Variants in EPAS1 observed in about 807,000 individuals in gnomAD.
EPAS1 encodes endothelial PAS domain protein 1.
EPAS1 carries 23 observed loss-of-function variants against 87.9 expected under a neutral mutation model. The ratio of observed to expected loss-of-function variants is 0.26; its 90% CI spans 0.19 to 0.37. The LOEUF (loss-of-function observed/expected upper bound fraction) is 0.37. EPAS1 is among the 10% of genes least tolerant of loss of function. The pLI is 1.00. For missense variants in EPAS1, 1,138 were observed against 1,120.7 expected, an observed-to-expected ratio of 1.02 and a Z score of -0.22; for synonymous variants, 508 against 444.3, an observed-to-expected ratio of 1.14 and a Z score of -1.80.
intron 1 of EPAS1, among the ~76,000 whole-genome samples, chr2:46,306,664 C>G (rs1284046053): frequency 6.6e-6 from 1 of 152,066 alleles, no homozygotes; most frequent in Non-Finnish European, 1.5e-5. Flanking sequence ...TGCCTTTAAG[C>G]ACACATAAAA....
At chr2:46,323,489 C>G (rs1303213491) in intron 1 of EPAS1, among the ~76,000 whole-genome samples, 2 of 152,144 alleles carry the variant, frequency 1.3e-5, no homozygotes, top group Non-Finnish European at 2.9e-5. Context: ...AGTAGATGCC[C>G]AATAAATATT....
At chr2:46,372,174 A>G (rs994305188) in intron 7 of EPAS1, among the ~76,000 whole-genome samples, 15 of 152,244 alleles carry the variant, frequency 9.9e-5, no homozygotes, top group African/African-American at 3.4e-4. Context: ...GATGGAGCCA[A>G]GTAAAGCTGC....
rs565552498 is a variant in EPAS1 at position 46,375,940 on chromosome 2, G to A, written c.1034+103G>A. The A allele has an allele frequency of 6.3e-5, 95 of 1,503,740 alleles. No homozygotes were observed. In the African/African-American group the frequency reaches 7.7e-4, roughly 12 times the overall value. 93.1% of individuals were successfully genotyped at this position (1,503,740 alleles called of 1,614,324 possible). A position where few individuals can be genotyped will look rare whatever the true frequency, so the allele number is the denominator to read the frequency against. Reference sequence around the variant, plus strand: ...CCTAGGAGATGCCAGGCCTCTCAGCGCCCTGGGCACCACCTCAGGGAGGTC... The same window carrying A: ...CCTAGGAGATGCCAGGCCTCTCAGCACCCTGGGCACCACCTCAGGGAGGTC... On this transcript the variant is annotated intron_variant, in intron 8 of 15. Transcript: ENST00000263734. The surrounding 1 kb of genome is among the most constrained non-coding windows in gnomAD (Gnocchi z 4.1).
At chr2:46,317,201 T>G (rs992848436) in intron 1 of EPAS1, among the ~76,000 whole-genome samples, 1 of 152,252 alleles carries the variant, frequency 6.6e-6, no homozygotes, top group African/African-American at 2.4e-5. Context: ...TGCTGATATT[T>G]TGACATCCTC....
chr2:46,316,579 A>C (rs1349155028), intron 1 of EPAS1, among the ~76,000 whole-genome samples: 1 of 152,192 alleles, frequency 6.6e-6, no homozygotes, highest in Non-Finnish European at 1.5e-5. Context: ...CTATACCTTA[A>C]TTTAAAAATA....
At chr2:46,348,156 C>G (rs930105873) in intron 2 of EPAS1, among the ~76,000 whole-genome samples, 5 of 152,152 alleles carry the variant, frequency 3.3e-5, no homozygotes, top group Non-Finnish European at 7.3e-5. Context: ...GACAGACTTT[C>G]AGAAAATAGG....
chr2:46,319,933 T>A (rs1424925021), intron 1 of EPAS1, among the ~76,000 whole-genome samples: 1 of 152,146 alleles, frequency 6.6e-6, no homozygotes, highest in Non-Finnish European at 1.5e-5. Flanking sequence ...TATTTAAGAG[T>A]TCCCAGGCAT....
intron 10 of EPAS1, among the ~76,000 whole-genome samples, chr2:46,378,301 G>A (rs188654611): frequency 1.3e-5 from 2 of 152,322 alleles, no homozygotes; most frequent in Admixed American, 1.3e-4. Flanking sequence ...TCCTTGAAGG[G>A]CTTTGAGCCC....
chr2:46,336,131 G>A (rs1392233704), intron 1 of EPAS1, among the ~76,000 whole-genome samples: 1 of 152,176 alleles, frequency 6.6e-6, no homozygotes, highest in African/African-American at 2.4e-5. Context: ...GGAGGCCAAG[G>A]CAGCTGGGAT....
intron 1 of EPAS1, among the ~76,000 whole-genome samples, chr2:46,311,434 C>T (rs1683210760): frequency 1.3e-5 from 2 of 152,168 alleles, no homozygotes; most frequent in Admixed American, 6.5e-5. Flanking sequence ...CTTTGGAGCA[C>T]AGCGCAGCCC....
chr2:46,320,717 G>C (rs1362055377), intron 1 of EPAS1, among the ~76,000 whole-genome samples: 2 of 152,146 alleles, frequency 1.3e-5, no homozygotes, highest in African/African-American at 4.8e-5. Context: ...TATCATCTTA[G>C]ATTTTAAGCA....
At chr2:46,366,532 G>T (rs1684505207) in intron 6 of EPAS1, among the ~76,000 whole-genome samples, 1 of 151,964 alleles carries the variant, frequency 6.6e-6, no homozygotes, top group South Asian at 2.1e-4. Flanking sequence ...TGCATCCTTG[G>T]TCTGCTGTTT....
intron 1 of EPAS1, among the ~76,000 whole-genome samples, chr2:46,321,699 C>A (rs562397794): frequency 8.0e-4 from 120 of 150,930 alleles, no homozygotes; most frequent in African/African-American, 2.6e-3. Context: ...CACCCCCGCA[C>A]CCCCACAACA....
At position 46,385,090 on chromosome 2, in the gene EPAS1, A is replaced by C; in HGVS notation, c.*430A>C. The C allele has an allele frequency of 5.5e-6, 1 of 181,846 alleles. No homozygotes were observed. Among genetic ancestry groups the C allele is most frequent in the East Asian group, 1.4e-4 (1 of 7,096 alleles). 11.3% of individuals were successfully genotyped at this position (181,846 alleles called of 1,614,324 possible). ...TTATTGTTGTTGCCAAAGAGAAACA[A>C]AAATGATTTTGCTTTCCAAGCTTGG... On this transcript the variant is annotated 3_prime_UTR_variant, in exon 16 of 16. Coordinates refer to ENST00000263734, the MANE Select transcript of EPAS1 (RefSeq NM_001430.5).
At chr2:46,321,610 T>C (rs543461711) in intron 1 of EPAS1, among the ~76,000 whole-genome samples, 6 of 152,296 alleles carry the variant, frequency 3.9e-5, no homozygotes, top group African/African-American at 1.2e-4. Flanking sequence ...TGGTATCTCA[T>C]TGTGGCTTTG....
Position 46,376,767 on chromosome 2 carries a change from A to T in EPAS1, c.1249+14A>T. On this transcript the variant is annotated intron_variant, in intron 9 of 15. Coordinates refer to ENST00000263734, the MANE Select transcript of EPAS1 (RefSeq NM_001430.5). ...CTCTGGATTTCGGTGGGTGCTTCTT[A>T]GCTAAGCCAGGCCCCTGGAACCCCG... 2.5e-6 allele frequency: 4 copies of T among 1,611,550 alleles called. No individual in the cohort carries two copies. Among genetic ancestry groups the T allele is most frequent in the Non-Finnish European group, 3.4e-6 (4 of 1,179,768 alleles).
rs1227930385 is a variant in EPAS1 at position 46,377,529 on chromosome 2, G to A, written c.1250-365G>A. 3.9e-5 allele frequency among the ~76,000 whole-genome samples: 6 copies of A among 152,210 alleles called. No individual in the cohort carries two copies. The East Asian group carries it at 1.2e-3, about 29-fold the overall frequency. On this transcript the variant is annotated intron_variant, in intron 9 of 15. Coordinates refer to ENST00000263734, the MANE Select transcript of EPAS1 (RefSeq NM_001430.5). ...AGCGGGCCCTTGGCCAGTAGGTCTC[G>A]CGGCTTGTTTTGTGGCAGTACTGAG... is the stretch of plus-strand genomic sequence containing the variant.
intron 2 of EPAS1, among the ~76,000 whole-genome samples, chr2:46,350,822 A>G (rs1684132115): frequency 6.6e-6 from 1 of 152,212 alleles, no homozygotes; most frequent in African/African-American, 2.4e-5. Flanking sequence ...TTCTAAAGAG[A>G]AGTGTCAGTT....
chr2:46,379,358 C>G lies in EPAS1; in HGVS notation c.1554+591C>G, dbSNP rs148073465. On this transcript the variant is annotated intron_variant, in intron 11 of 15. Transcript: ENST00000263734. ...CCATTAATCCCCCATTTGTCTTAGT[C>G]TTGAGTTCAACCAGATTTCTGCCTT... is the stretch of plus-strand genomic sequence containing the variant. Among the ~76,000 whole-genome samples the G allele has an allele frequency of 7.0e-3, 1,072 of 152,168 alleles. 36 individuals are homozygous for G. Among genetic ancestry groups the G allele is most frequent in the East Asian group, 0.026 (136 of 5,176 alleles).
Sources: allele counts gnomAD v4.1 joint callset (sites outside exome capture counted in the v4.1 genomes callset), GRCh38; gene constraint gnomAD v4.1.1; non-coding constraint Gnocchi (gnomAD v3.1); transcripts MANE v1.5; gene names NCBI Gene and HGNC (gene_info 2026-07-23, HGNC 2026-07-21).